Variants in PLEKHM3 observed in about 807,000 individuals in gnomAD.
PLEKHM3 encodes the protein pleckstrin homology domain-containing family M member 3.
Under a neutral mutation model 81.8 loss-of-function variants are expected in PLEKHM3, and 45 were observed. The observed-to-expected ratio is 0.55, with a 90% CI of 0.43 to 0.71. The LOEUF (loss-of-function observed/expected upper bound fraction) is 0.71. Among genes scored for constraint, PLEKHM3 ranks in the 30% least tolerant of loss-of-function variants. The pLI is 0.00. For synonymous variants in PLEKHM3, 352 were observed against 356.4 expected, an observed-to-expected ratio of 0.99 and a Z score of 0.14; for missense variants, 788 against 924.3, an observed-to-expected ratio of 0.85 and a Z score of 1.91.
At chr2:207,958,006 A>G (rs919759208) in intron 3 of PLEKHM3, among the ~76,000 whole-genome samples, 1 of 152,210 alleles carries the variant, frequency 6.6e-6, no homozygotes, top group African/African-American at 2.4e-5. Context: ...CACAACAAAG[A>G]GGTATCTGGC....
intron 5 of PLEKHM3, among the ~76,000 whole-genome samples, chr2:207,913,923 G>T (rs961407410): frequency 8.8e-6 from 1 of 113,788 alleles, no homozygotes; most frequent in Admixed American, 8.3e-5. Flanking sequence ...GTGTATGTGC[G>T]TGCATGAAAA....
chr2:207,856,192 G>T (rs116310968), intron 7 of PLEKHM3, among the ~76,000 whole-genome samples: 1,762 of 152,208 alleles, frequency 0.012, 17 homozygotes, highest in Non-Finnish European at 0.019. Flanking sequence ...TAGATTAAGA[G>T]AAAAATTGGG....
At chr2:207,838,527 T>G (rs2092332797) in intron 7 of PLEKHM3, among the ~76,000 whole-genome samples, 1 of 152,258 alleles carries the variant, frequency 6.6e-6, no homozygotes, top group African/African-American at 2.4e-5. Context: ...CACTGCCATC[T>G]TTTGTGCAAA....
intron 4 of PLEKHM3, among the ~76,000 whole-genome samples, chr2:207,931,623 T>C (rs1689601452): frequency 6.6e-6 from 1 of 152,258 alleles, no homozygotes; most frequent in African/African-American, 2.4e-5. Flanking sequence ...AATTTATATG[T>C]GCATATATAT....
At chr2:208,020,333 A>G (rs572734385) in intron 1 of PLEKHM3, among the ~76,000 whole-genome samples, 54 of 152,380 alleles carry the variant, frequency 3.5e-4, no homozygotes, top group African/African-American at 1.2e-3. Context: ...TGAGTGTACG[A>G]AAACAAACAA....
intron 7 of PLEKHM3, among the ~76,000 whole-genome samples, chr2:207,852,009 C>G (rs2092415498): frequency 6.6e-6 from 1 of 152,110 alleles, no homozygotes; most frequent in African/African-American, 2.4e-5. Flanking sequence ...ATATCTTTCC[C>G]CCAAACCAAT....
At chr2:207,858,666 A>G (rs1415455836) in intron 7 of PLEKHM3, among the ~76,000 whole-genome samples, 4 of 152,002 alleles carry the variant, frequency 2.6e-5, no homozygotes, top group African/African-American at 7.3e-5. Context: ...TTTTTAGTAG[A>G]GACGAGGTTT....
At position 208,001,255 on chromosome 2, in the gene PLEKHM3, G is replaced by A. The variant is rs558916929; in HGVS notation, c.385C>T (p.Arg129Trp). The A allele has an allele frequency of 7.4e-6, 12 of 1,614,154 alleles. No homozygotes were observed. The highest frequency in any genetic ancestry group is 1.6e-4 in the Middle Eastern group (1 of 6,062). ...AGTAAGTCATTTACAGAACGAGGCC[G>A]GTCCCTCCGACGCTGACAGATATTG... Reference protein sequence around the residue: ...FFNICQRRRDRPRSVNDLLDE... With the variant: ...FFNICQRRRDWPRSVNDLLDE... The change falls in exon 2 of 8, where the codon CGG becomes TGG. Residue 129 changes from arginine to tryptophan, a missense_variant. Transcript: ENST00000427836.
intron 6 of PLEKHM3, among the ~76,000 whole-genome samples, chr2:207,905,927 AG>A (rs1688587895): frequency 6.6e-6 from 1 of 152,166 alleles, no homozygotes; most frequent in Admixed American, 6.5e-5. Context: ...TTATTAAAGG[AG>A]GAAAAAAAGA....
chr2:207,913,971 G>A (rs557329418), intron 5 of PLEKHM3, among the ~76,000 whole-genome samples: 5 of 152,044 alleles, frequency 3.3e-5, no homozygotes, highest in Non-Finnish European at 4.4e-5. Context: ...GCGTGTGCGT[G>A]CGCACACGCG....
Position 207,976,692 on chromosome 2 carries a change from G to C in PLEKHM3, c.1505C>G (p.Ser502Cys). ...TSFLSILTTL[S>C]LERGLTAQSF... The stretch of plus-strand genomic sequence containing the variant: ...CTGAGCAGTGAGTCCTCGTTCCAAA[G>C]ACAAAGTCGTCAAAATGCTCAGGAA... Residue 502 changes from serine to cysteine, a missense_variant, in exon 3 of 8, where the codon TCT becomes TGT. Physicochemically the swap from Ser to Cys is moderately radical, Grantham distance 112. Transcript: ENST00000427836. The surrounding 1 kb of genome is among the most constrained non-coding windows in gnomAD (Gnocchi z 4.1). 6 of 1,614,180 alleles carry C rather than the reference G, an allele frequency of 3.7e-6. No homozygotes were observed. Among genetic ancestry groups the C allele is most frequent in the Non-Finnish European group, 5.1e-6 (6 of 1,180,018 alleles).
intron 2 of PLEKHM3, 58 bp downstream of exon 2, chr2:208,000,971 AG>A: frequency 7.3e-7 from 1 of 1,363,678 alleles, no homozygotes; most frequent in East Asian, 2.5e-5. Context: ...AGCTTATCTG[AG>A]TCACAGCCCC....
intron 6 of PLEKHM3, among the ~76,000 whole-genome samples, chr2:207,888,368 C>T (rs1027484101): frequency 6.6e-6 from 1 of 151,696 alleles, no homozygotes; most frequent in Non-Finnish European, 1.5e-5. Flanking sequence ...CACACACACA[C>T]ACACACACAC....
chr2:207,999,342 T>C (rs1290967857), intron 2 of PLEKHM3, among the ~76,000 whole-genome samples: 1 of 150,156 alleles, frequency 6.7e-6, no homozygotes, highest in East Asian at 2.1e-4. Flanking sequence ...TAGCCAGGCA[T>C]GGTGGCTCAT....
At chr2:207,922,826 A>G (rs183973394) in intron 5 of PLEKHM3, among the ~76,000 whole-genome samples, 215 of 151,990 alleles carry the variant, frequency 1.4e-3, no homozygotes, top group African/African-American at 4.9e-3. Flanking sequence ...AAAAAAAAAG[A>G]AGACCATCCA....
rs367637633 is a variant in PLEKHM3, at chr2:207,908,617, G to T, written c.1887-40C>A. Reference sequence around the variant, plus strand: ...AGATAGACAAGTGAACTGTGGTGCTGCCATAACACACATTTTTCTGATAAG... The same window carrying T: ...AGATAGACAAGTGAACTGTGGTGCTTCCATAACACACATTTTTCTGATAAG... On this transcript the variant is annotated intron_variant, in intron 5 of 7. Coordinates refer to ENST00000427836, the MANE Select transcript of PLEKHM3 (RefSeq NM_001080475.3). 66 of 1,514,988 alleles carry T rather than the reference G, an allele frequency of 4.4e-5. 1 individual carries two copies. In the African/African-American group the frequency reaches 6.4e-4, roughly 15 times the overall value. 93.8% of individuals were successfully genotyped at this position (1,514,988 alleles called of 1,614,324 possible). A position where few individuals can be genotyped will look rare whatever the true frequency, so the allele number is the denominator to read the frequency against.
Position 207,941,797 on chromosome 2 carries a change from C to T in PLEKHM3, c.1692+4570G>A, listed in dbSNP as rs183035097. ...AACAAAAATAAATCTTATTTTAAAA[C>T]GAGCAAAAGATCTGAATAGACAATT... On this transcript the variant is annotated intron_variant, in intron 4 of 7. Transcript: ENST00000427836. Among the ~76,000 whole-genome samples, 495 of 152,208 alleles carry T rather than the reference C, an allele frequency of 3.3e-3. 2 individuals carry two copies. The highest frequency in any genetic ancestry group is 0.011 in the African/African-American group (473 of 41,524).
At chr2:207,980,277 A>T (rs961266173) in intron 2 of PLEKHM3, among the ~76,000 whole-genome samples, 1 of 152,150 alleles carries the variant, frequency 6.6e-6, no homozygotes, top group Non-Finnish European at 1.5e-5. Context: ...GGCCCAAACC[A>T]GCAGCAAGCC....
At chr2:207,857,320 A>T (rs964640749) in intron 7 of PLEKHM3, among the ~76,000 whole-genome samples, 4 of 152,194 alleles carry the variant, frequency 2.6e-5, no homozygotes, top group Admixed American at 6.5e-5. Context: ...CTAAAAATGA[A>T]TCTGGACACT....
Sources: allele counts gnomAD v4.1 joint callset (sites outside exome capture counted in the v4.1 genomes callset), GRCh38; gene constraint gnomAD v4.1.1; non-coding constraint Gnocchi (gnomAD v3.1); transcripts MANE v1.5; gene names NCBI Gene and HGNC (gene_info 2026-07-23, HGNC 2026-07-21).